Variants in MACROD2 observed in about 807,000 individuals in gnomAD.
The protein encoded by MACROD2 is mono-ADP ribosylhydrolase 2, also known as ADP-ribose glycohydrolase MACROD2.
In MACROD2, 36 loss-of-function variants were observed where a neutral mutation model predicts 70.4. That is an observed-to-expected ratio of 0.51 (90% CI 0.39 to 0.68). MACROD2 has a LOEUF of 0.68. Ranked by LOEUF, MACROD2 falls within the 30% of genes least tolerant of loss-of-function variation. The probability of loss-of-function intolerance (pLI) is 0.00; values close to 1 mark genes in which losing one functional copy is unlikely to be tolerated. For synonymous variants in MACROD2, 172 were observed against 178.8 expected (o/e 0.96, Z 0.30); for missense variants, 496 against 538.4 (o/e 0.92, Z 0.78).
chr20:14,374,537 G>A (rs1460844465), intron 3 of MACROD2, among the ~76,000 whole-genome samples: 2 of 152,062 alleles, frequency 1.3e-5, no homozygotes, highest in South Asian at 2.1e-4. Context: ...ATATGGCAAA[G>A]GTATTCTTCA....
intron 6 of MACROD2, among the ~76,000 whole-genome samples, chr20:15,271,662 A>T (rs2077347566): frequency 6.6e-6 from 1 of 152,224 alleles, no homozygotes. Context: ...ACTTTGATGA[A>T]TGAATGAATA....
intron 8 of MACROD2, among the ~76,000 whole-genome samples, chr20:15,636,186 G>A (rs1418168444): frequency 6.6e-6 from 1 of 151,688 alleles, no homozygotes; most frequent in Non-Finnish European, 1.5e-5. Flanking sequence ...AAGGGTTTGT[G>A]GTTTTCTAAA....
At chr20:14,270,895 C>T (rs1005039506) in intron 3 of MACROD2, among the ~76,000 whole-genome samples, 9 of 152,192 alleles carry the variant, frequency 5.9e-5, no homozygotes, top group African/African-American at 2.2e-4. Flanking sequence ...ATTGCTAGCA[C>T]AGCAGTCTGA....
intron 6 of MACROD2, among the ~76,000 whole-genome samples, chr20:15,384,364 G>T (rs1034652485): frequency 6.6e-6 from 1 of 152,108 alleles, no homozygotes; most frequent in Non-Finnish European, 1.5e-5. Flanking sequence ...AGGTTCAAGG[G>T]ATCCTCCCAC....
chr20:15,303,753 G>T (rs904152921), intron 6 of MACROD2, among the ~76,000 whole-genome samples: 1 of 151,980 alleles, frequency 6.6e-6, no homozygotes, highest in Non-Finnish European at 1.5e-5. Flanking sequence ...TTTATGCACC[G>T]TATTTTTTTC....
intron 8 of MACROD2, among the ~76,000 whole-genome samples, chr20:15,638,671 C>T (rs1028771412): frequency 1.3e-5 from 2 of 152,164 alleles, no homozygotes; most frequent in African/African-American, 4.8e-5. Flanking sequence ...CAATAACCAC[C>T]ATGGCCAGTG....
intron 8 of MACROD2, among the ~76,000 whole-genome samples, chr20:15,761,926 CA>C (rs1157164344): frequency 3.3e-5 from 5 of 152,204 alleles, no homozygotes; most frequent in Non-Finnish European, 5.9e-5. Context: ...TGTTTCACCT[CA>C]CAGATTCTCC....
chr20:14,776,958 G>C (rs1454385085), intron 5 of MACROD2, among the ~76,000 whole-genome samples: 1 of 152,052 alleles, frequency 6.6e-6, no homozygotes, highest in Non-Finnish European at 1.5e-5. Context: ...TAATGGTTGT[G>C]AGATTCATAG....
intron 6 of MACROD2, among the ~76,000 whole-genome samples, chr20:15,349,968 G>C (rs1398000054): frequency 1.3e-5 from 2 of 152,106 alleles, no homozygotes; most frequent in Admixed American, 1.3e-4. Flanking sequence ...TCCTGAAGCA[G>C]TGTTCTCATT....
intron 9 of MACROD2, among the ~76,000 whole-genome samples, chr20:15,871,888 T>G (rs1746153140): frequency 1.3e-5 from 2 of 152,202 alleles, no homozygotes; most frequent in African/African-American, 4.8e-5. Context: ...ATTCTATATT[T>G]AAGAAGGATT....
At chr20:14,100,661 T>C (rs1036894650) in intron 3 of MACROD2, among the ~76,000 whole-genome samples, 2 of 139,596 alleles carry the variant, frequency 1.4e-5, no homozygotes, top group African/African-American at 5.2e-5. Context: ...TATATAAATA[T>C]ATATTTAAAT....
At chr20:14,457,232 T>C (rs971635740) in intron 3 of MACROD2, among the ~76,000 whole-genome samples, 3 of 152,110 alleles carry the variant, frequency 2.0e-5, no homozygotes, top group African/African-American at 7.2e-5. Flanking sequence ...GTGAGCTGTT[T>C]AGTGAACTAT....
In MACROD2 at chr20:15,082,189, A is replaced by T. The variant is rs570177095; in HGVS notation, c.419-147751A>T. ...TGCTACAAGTCCTTACTAATTTATC[A>T]GACAAACCAATTCAAGGTATCAGAA... On this transcript the variant is annotated intron_variant, in intron 5 of 17. Transcript: ENST00000684519. 3.9e-5 allele frequency among the ~76,000 whole-genome samples: 6 copies of T among 152,336 alleles called. No homozygotes were observed. In the South Asian group the frequency reaches 1.2e-3, roughly 32 times the overall value.
intron 5 of MACROD2, among the ~76,000 whole-genome samples, chr20:15,172,336 G>A (rs924091920): frequency 1.3e-5 from 2 of 152,170 alleles, no homozygotes; most frequent in Non-Finnish European, 2.9e-5. Flanking sequence ...GTTGGGGAAG[G>A]AATATTGAGA....
At chr20:15,663,422 G>A (rs1305697362) in intron 8 of MACROD2, among the ~76,000 whole-genome samples, 2 of 151,858 alleles carry the variant, frequency 1.3e-5, no homozygotes, top group African/African-American at 4.8e-5. Context: ...TTTTAGTAGA[G>A]AAAGGGTTTC....
intron 5 of MACROD2, among the ~76,000 whole-genome samples, chr20:14,812,763 A>G (rs932037528): frequency 6.6e-6 from 1 of 152,020 alleles, no homozygotes; most frequent in African/African-American, 2.4e-5. Context: ...CCACACACCA[A>G]GTGATCAGTT....
At chr20:15,379,929 T>A (rs2045618014) in intron 6 of MACROD2, among the ~76,000 whole-genome samples, 1 of 151,926 alleles carries the variant, frequency 6.6e-6, no homozygotes, top group Admixed American at 6.5e-5. Flanking sequence ...ATTGTGAACC[T>A]AACTTTCTGA....
chr20:15,200,774 A>G (rs946811116), intron 5 of MACROD2, among the ~76,000 whole-genome samples: 2 of 152,174 alleles, frequency 1.3e-5, no homozygotes, highest in African/African-American at 4.8e-5. Context: ...TCAAACTTTA[A>G]TGTTTATACA....
At chr20:14,456,522 C>T (rs923608095) in intron 3 of MACROD2, among the ~76,000 whole-genome samples, 1 of 151,610 alleles carries the variant, frequency 6.6e-6, no homozygotes, top group Admixed American at 6.6e-5. Context: ...ACAAATATAA[C>T]AAAATTTAGA....
Sources: gnomAD v4.1 joint callset for allele counts (sites outside exome capture counted in the v4.1 genomes callset) on GRCh38, gnomAD v4.1.1 for gene constraint, MANE v1.5 for transcripts, NCBI Gene and HGNC (gene_info 2026-07-23, HGNC 2026-07-21) for gene names.